Variants in AMPH observed in about 807,000 individuals in gnomAD.
The protein encoded by AMPH is amphiphysin (Stiff-Mann syndrome with breast cancer 128kD autoantigen).
Under a neutral mutation model 99.1 loss-of-function variants are expected in AMPH, and 49 were observed. The ratio of observed to expected loss-of-function variants is 0.49; its 90% CI spans 0.39 to 0.63. The LOEUF (loss-of-function observed/expected upper bound fraction) is 0.63. Ranked by LOEUF, AMPH falls within the 20% of genes least tolerant of loss-of-function variation. The pLI, the probability that AMPH is intolerant of heterozygous loss-of-function variation, is 0.00. For synonymous variants in AMPH, 314 were observed against 317.3 expected (o/e 0.99, Z 0.11); for missense variants, 759 against 863.4 (o/e 0.88, Z 1.52).
At chr7:38,497,283 G>T (rs73122226) in intron 3 of AMPH, among the ~76,000 whole-genome samples, 3,919 of 152,072 alleles carry the variant, frequency 0.026, 74 homozygotes, top group Admixed American at 0.054. Context: ...AGCAGAAAAG[G>T]TGCTAAATGC....
intron 2 of AMPH, among the ~76,000 whole-genome samples, chr7:38,529,448 T>C (rs1272707847): frequency 6.6e-6 from 1 of 152,228 alleles, no homozygotes; most frequent in Non-Finnish European, 1.5e-5. Context: ...ACCTCAGACA[T>C]CACCTGCATT....
rs5883648 is a variant in AMPH at position 38,416,102 on chromosome 7, A to AATATATATATATAT, written c.1398+1709_1398+1722dup. On this transcript the variant is annotated intron_variant, in intron 17 of 20. Coordinates refer to ENST00000356264, the MANE Select transcript of AMPH (RefSeq NM_001635.4). The stretch of plus-strand genomic sequence containing the variant: ...AGTTTAAACAATGATCAAACATATG[A>AATATATATATATAT]ATATATATATATATATATATATATT... Among the ~76,000 whole-genome samples the AATATATATATATAT allele has an allele frequency of 1.7e-3, 167 of 100,488 alleles. 5 individuals are homozygous for AATATATATATATAT. The highest frequency in any genetic ancestry group is 3.2e-3 in the East Asian group (12 of 3,706). 65.9% of individuals were successfully genotyped at this position (100,488 alleles called of 152,430 possible).
intron 11 of AMPH, among the ~76,000 whole-genome samples, chr7:38,448,544 A>G (rs1786878899): frequency 6.6e-6 from 1 of 152,238 alleles, no homozygotes; most frequent in African/African-American, 2.4e-5. Flanking sequence ...ATAACAATAT[A>G]CTGTAATAAA....
chr7:38,590,183 C>T (rs1312590627), intron 1 of AMPH, among the ~76,000 whole-genome samples: 1 of 152,136 alleles, frequency 6.6e-6, no homozygotes, highest in Non-Finnish European at 1.5e-5. Context: ...CTATTAGAAG[C>T]TGTGGATCAC....
intron 11 of AMPH, among the ~76,000 whole-genome samples, chr7:38,446,945 G>A (rs1422956466): frequency 6.6e-6 from 1 of 152,034 alleles, no homozygotes. Flanking sequence ...TGTTATATTT[G>A]TACTAAAAAT....
intron 7 of AMPH, among the ~76,000 whole-genome samples, chr7:38,469,748 C>T (rs1342347285): frequency 6.6e-6 from 1 of 152,162 alleles, no homozygotes; most frequent in Non-Finnish European, 1.5e-5. Flanking sequence ...AATCCTAACA[C>T]TAACACAGTA....
At chr7:38,533,402 T>C (rs962982576) in intron 2 of AMPH, among the ~76,000 whole-genome samples, 1 of 152,224 alleles carries the variant, frequency 6.6e-6, no homozygotes, top group Non-Finnish European at 1.5e-5. Context: ...ATCCCATTCA[T>C]GGTAAACTGA....
intron 17 of AMPH, among the ~76,000 whole-genome samples, chr7:38,407,190 A>ACT (rs1785062732): frequency 7.4e-6 from 1 of 134,964 alleles, no homozygotes; most frequent in Non-Finnish European, 1.6e-5. Context: ...TCCAGCAATT[A>ACT]CTCTCTCTCC....
At chr7:38,426,756 C>A (rs976593330) in intron 15 of AMPH, among the ~76,000 whole-genome samples, 198 bp downstream of exon 15, 9 of 152,180 alleles carry the variant, frequency 5.9e-5, no homozygotes, top group Non-Finnish European at 1.3e-4. Flanking sequence ...TGTTGCATAG[C>A]TCATTTAATC....
At chr7:38,601,279 T>C (rs564093686) in intron 1 of AMPH, among the ~76,000 whole-genome samples, 1 of 152,226 alleles carries the variant, frequency 6.6e-6, no homozygotes, top group African/African-American at 2.4e-5. Flanking sequence ...CTGATACTAA[T>C]TGGAAGCCCT....
chr7:38,583,122 T>C (rs17413590), intron 1 of AMPH, among the ~76,000 whole-genome samples: 42,834 of 152,118 alleles, frequency 0.28, 6,437 homozygotes, highest in Non-Finnish European at 0.34. Context: ...AAGGATAATA[T>C]GCATCAGAGC....
At chr7:38,565,930 A>G (rs1791726157) in intron 1 of AMPH, among the ~76,000 whole-genome samples, 3 of 152,228 alleles carry the variant, frequency 2.0e-5, no homozygotes, top group Admixed American at 6.5e-5. Flanking sequence ...ATAATAGTCA[A>G]TGCAACATTT....
rs1378521495 is a variant in AMPH, at chr7:38,417,924, T to C, written c.1299A>G (p.Thr433=). The C allele has an allele frequency of 1.2e-6, 2 of 1,614,144 alleles. No individual in the cohort carries two copies. The change falls in exon 17 of 21, where the codon ACA becomes ACG. Residue 433 remains threonine, a synonymous_variant. Transcript: ENST00000356264. ...NLAESEQAPP[T]EPKAEEPLAA... ...CCAGAGGCTCCTCTGCTTTTGGCTC[T>C]GTGGGTGGAGCCTGTTCAGATTCAG...
intron 12 of AMPH, among the ~76,000 whole-genome samples, chr7:38,434,179 C>T (rs1786165608): frequency 6.6e-6 from 1 of 152,120 alleles, no homozygotes; most frequent in Non-Finnish European, 1.5e-5. Flanking sequence ...AGCACAGGGA[C>T]ACACACAGCT....
intron 10 of AMPH, 137 bp from the exon 11 acceptor site, chr7:38,461,548 C>G: frequency 9.7e-7 from 1 of 1,028,658 alleles, no homozygotes; most frequent in East Asian, 2.6e-5. Context: ...GCAAGCCTAT[C>G]TGATACAGGT....
intron 7 of AMPH, among the ~76,000 whole-genome samples, chr7:38,471,544 C>A (rs895268291): frequency 2.0e-5 from 3 of 152,022 alleles, no homozygotes; most frequent in Non-Finnish European, 2.9e-5. Context: ...CTACACTTGG[C>A]AGTAATGGAG....
At chr7:38,399,548 C>G (rs1784783507) in intron 17 of AMPH, among the ~76,000 whole-genome samples, 1 of 152,146 alleles carries the variant, frequency 6.6e-6, no homozygotes, top group African/African-American at 2.4e-5. Flanking sequence ...AGTTATACCT[C>G]TTATTATTAT....
chr7:38,423,556 A>G (rs911812320), intron 15 of AMPH, among the ~76,000 whole-genome samples: 3 of 152,222 alleles, frequency 2.0e-5, no homozygotes, highest in African/African-American at 7.2e-5. Context: ...TTTTTAAGGC[A>G]TCAACCTATA....
At chr7:38,495,329 A>C (rs1247271340) in intron 3 of AMPH, among the ~76,000 whole-genome samples, 1 of 152,230 alleles carries the variant, frequency 6.6e-6, no homozygotes, top group East Asian at 1.9e-4. Flanking sequence ...CACACATTTA[A>C]GGAAGATTAA....
Sources: allele counts gnomAD v4.1 joint callset (sites outside exome capture counted in the v4.1 genomes callset), GRCh38; gene constraint gnomAD v4.1.1; transcripts MANE v1.5; gene names NCBI Gene and HGNC (gene_info 2026-07-23, HGNC 2026-07-21).